A1BG: variants seen among roughly 807,000 people sequenced by gnomAD.
A1BG encodes alpha-1B-glycoprotein.
In A1BG, 44 loss-of-function variants were observed where a neutral mutation model predicts 46.0. That is an observed-to-expected ratio of 0.96 (90% CI 0.75 to 1.23). The LOEUF (loss-of-function observed/expected upper bound fraction) is 1.23, where lower values mean the gene tolerates loss of function less well. Among genes scored for constraint, A1BG ranks in the 50% most tolerant of loss-of-function variants. The pLI is 0.00. For missense variants in A1BG, 707 were observed against 688.8 expected, an observed-to-expected ratio of 1.03 and a Z score of -0.30; for synonymous variants, 316 against 314.7, an observed-to-expected ratio of 1.00 and a Z score of -0.04.
At chr19:58,351,219 G>A (rs2051954721) in intron 5 of A1BG, 172 bp downstream of exon 5, 3 of 829,370 alleles carry the variant, frequency 3.6e-6, no homozygotes, top group Non-Finnish European at 5.7e-6. Flanking sequence ...CCTGAAGGTT[G>A]TCACGCTCAT....
At chr19:58,351,293 T>G (rs1325368345) in intron 5 of A1BG, 98 bp downstream of exon 5, 1 of 1,472,854 alleles carries the variant, frequency 6.8e-7, no homozygotes, top group African/African-American at 1.4e-5. Context: ...TATTGGACCC[T>G]GGCCCAGAGC....
chr19:58,347,234 A>G, intron 7 of A1BG, 119 bp downstream of exon 7: 1 of 1,351,288 alleles, frequency 7.4e-7, no homozygotes, highest in Non-Finnish European at 9.8e-7. Context: ...CCCTGGGGAG[A>G]CCCAGCGCTA....
At position 58,351,545 on chromosome 19, in the gene A1BG, T is replaced by C; in HGVS notation, c.756A>G (p.Val252=). Residue 252 remains valine, a synonymous_variant, in exon 5 of 8, where the codon GTA becomes GTG. Transcript: ENST00000263100. ...GATCTGGGCTGGTGCTGCTCCTGGG[T>C]ACCAGCAGCTCTTTCTCCCCGCGCC... ...QLRRGEKELL[V]PRSSTSPDRI... 1 of 1,613,862 alleles carries C rather than the reference T, an allele frequency of 6.2e-7. No homozygotes were observed. The highest frequency in any genetic ancestry group is 8.5e-7 in the Non-Finnish European group (1 of 1,179,998).
In A1BG at chr19:58,346,690, G is replaced by C. The variant is rs1239383894; in HGVS notation, c.*332C>G. ...AGCCGGACTGCAACACTGCACTCCA[G>C]CCTGGGTGACAGTGTGAGACCCTGT... On this transcript the variant is annotated 3_prime_UTR_variant, in exon 8 of 8. Transcript: ENST00000263100. The C allele has an allele frequency of 2.5e-6, 1 of 392,824 alleles. No homozygotes were observed. Among genetic ancestry groups the C allele is most frequent in the Non-Finnish European group, 4.7e-6 (1 of 211,428 alleles). The allele number at this position is 392,824 out of a possible 1,614,324, so 24.3% of individuals were successfully genotyped here.
At position 58,353,424 on chromosome 19, in the gene A1BG, A is replaced by G. The variant is rs1267963702; in HGVS notation, c.14T>C (p.Val5Ala). MSML[V>A]VFLLLWGVTW... is the part of the protein sequence containing the mutation. Reference sequence around the variant, plus strand: ...CTCACCCCACAGCAAGAGAAAGACCACGAGCATGGACATGATGGTCGCGCT... The same window carrying G: ...CTCACCCCACAGCAAGAGAAAGACCGCGAGCATGGACATGATGGTCGCGCT... The change falls in exon 1 of 8, where the codon GTG (valine) becomes GCG (alanine). Residue 5 changes from valine to alanine, a missense_variant. By Grantham distance (64) the Val-to-Ala change is moderately conservative. Coordinates refer to ENST00000263100, the MANE Select transcript of A1BG (RefSeq NM_130786.4). 6.2e-7 allele frequency: 1 copy of G among 1,610,930 alleles called. No individual in the cohort carries two copies. Among genetic ancestry groups the G allele is most frequent in the Non-Finnish European group, 8.5e-7 (1 of 1,178,916 alleles).
In A1BG at chr19:58,345,305, G is replaced by T. The variant is rs564000321; in HGVS notation, c.*1717C>A. On this transcript the variant is annotated 3_prime_UTR_variant, in exon 8 of 8. Transcript: ENST00000263100. ...TAACATCATCAGACATTAAGGAAAC[G>T]CAAGGAAAACCACTATTAGATATGT... 1 of 152,268 alleles carries T rather than the reference G, an allele frequency of 6.6e-6. No homozygotes were observed. The highest frequency in any genetic ancestry group is 2.1e-4 in the South Asian group (1 of 4,826). 9.4% of individuals were successfully genotyped at this position (152,268 alleles called of 1,614,324 possible).
In A1BG at chr19:58,350,577, G is replaced by A. The variant is rs1392404642; in HGVS notation, c.985C>T (p.Leu329=). 6.6e-7 allele frequency: 1 copy of A among 1,521,690 alleles called. No individual in the cohort carries two copies. Among genetic ancestry groups the A allele is most frequent in the East Asian group, 2.6e-5 (1 of 39,082 alleles). 94.3% of individuals were successfully genotyped at this position (1,521,690 alleles called of 1,614,324 possible). ...RALRLRCLAP[L]EGARFALVRE... ...ACCAGGGCGAAGCGCGCGCCCTCCA[G>A]GGGCGCCAGGCACCGCAGCCGCAAG... The change falls in exon 6 of 8, where the codon CTG becomes TTG. Residue 329 remains leucine, a synonymous_variant. Coordinates refer to ENST00000263100, the MANE Select transcript of A1BG (RefSeq NM_130786.4).
rs376324865 is a variant in A1BG, at chr19:58,351,645, G to A, written c.656C>T (p.Ser219Phe). 9 of 1,610,794 alleles carry A rather than the reference G, an allele frequency of 5.6e-6. No homozygotes were observed. Among genetic ancestry groups the A allele is most frequent in the Non-Finnish European group, 7.6e-6 (9 of 1,178,924 alleles). The change falls in exon 5 of 8, where the codon TCC (serine) becomes TTC (phenylalanine). Residue 219 changes from serine to phenylalanine, a missense_variant. By Grantham distance (155) the Ser-to-Phe change is radical (BLOSUM62 -2). Coordinates refer to ENST00000263100, the MANE Select transcript of A1BG (RefSeq NM_130786.4). ...PPVLMHHGES[S>F]QVLHPGNKVT... ...CTTGTTGCCAGGGTGCAGGACCTGG[G>A]AGGACTCTCCATGGTGCATCAGCAC...
chr19:58,347,747 G>A (rs1351535741), intron 6 of A1BG, 107 bp from the exon 7 acceptor site: 2 of 655,760 alleles, frequency 3.0e-6, no homozygotes, highest in Non-Finnish European at 4.3e-6. Context: ...CCTCAGCCCC[G>A]GCTTCATCTT....
Position 58,351,259 on chromosome 19 carries a change from CGGCGGGTG to C in A1BG, c.910+124_910+131del, listed in dbSNP as rs1052358032. The C allele has an allele frequency of 2.6e-5, 29 of 1,121,828 alleles. No homozygotes were observed. In the African/African-American group the frequency reaches 4.1e-4, roughly 16 times the overall value. The allele number at this position is 1,121,828 out of a possible 1,614,324, so 69.5% of individuals were successfully genotyped here. ...ATATTTGCAGTTTAGGACCCTGAATCGGCGGGTGGGCGGATAAAGTTGGTATTGGACCC... is the reference window on the plus strand; with the variant it reads ...ATATTTGCAGTTTAGGACCCTGAATCGGCGGATAAAGTTGGTATTGGACCC... On this transcript the variant is annotated intron_variant, in intron 5 of 7. Coordinates refer to ENST00000263100, the MANE Select transcript of A1BG (RefSeq NM_130786.4).
chr19:58,353,080 T>G lies in A1BG; in HGVS notation c.188A>C (p.Asn63Thr), dbSNP rs1465915239. The G allele has an allele frequency of 1.9e-6, 3 of 1,614,028 alleles. No homozygotes were observed. Among genetic ancestry groups the G allele is most frequent in the Admixed American group, 3.3e-5 (2 of 60,004 alleles). Reference protein sequence around the residue: ...LETPDFQLFKNGVAQEPVHLD... With the variant: ...LETPDFQLFKTGVAQEPVHLD... ...GTGCACAGGCTCCTGGGCCACCCCA[T>G]TCTTGAACAGCTGGAAGTCTGGAGT... The change falls in exon 3 of 8, where the codon AAT becomes ACT. Residue 63 changes from asparagine to threonine, a missense_variant. Transcript: ENST00000263100.
chr19:58,347,485 CG>C lies in A1BG; in HGVS notation c.1347del (p.Ala451ProfsTer7). The C allele has an allele frequency of 6.3e-7, 1 of 1,598,308 alleles. No individual in the cohort carries two copies. Among genetic ancestry groups the C allele is most frequent in the Non-Finnish European group, 8.5e-7 (1 of 1,171,424 alleles). ...ATCAGCTCGAGGTTCGCCGCGGCCC[CG>C]GGGGTGCGGACCGTCTTCACGGCCT... The part of the protein sequence containing the change: ...ETKAVKTVRT[P>X]GAAANLELIF... On this transcript the variant is annotated frameshift_variant, in exon 7 of 8. Transcript: ENST00000263100. LOFTEE classifies it high-confidence loss of function.
At chr19:58,352,636 A>G (rs1004259425) in intron 3 of A1BG, 81 bp from the exon 4 acceptor site, 11 of 1,512,092 alleles carry the variant, frequency 7.3e-6, no homozygotes, top group Admixed American at 3.8e-5. Flanking sequence ...CCCCACACTC[A>G]TAAGACTGTG....
intron 5 of A1BG, 34 bp downstream of exon 5, chr19:58,351,357 A>C: frequency 1.3e-6 from 2 of 1,598,392 alleles, no homozygotes; most frequent in Non-Finnish European, 1.7e-6. Context: ...CCAGGGACCC[A>C]GCCGCGTCCC....
intron 3 of A1BG, 151 bp from the exon 4 acceptor site, chr19:58,352,706 G>A: frequency 2.5e-6 from 3 of 1,198,512 alleles, no homozygotes; most frequent in Middle Eastern, 2.8e-4. Flanking sequence ...GTGGAAACAA[G>A]GCATACGGCA....
chr19:58,349,299 A>C (rs1005693642), intron 6 of A1BG, among the ~76,000 whole-genome samples: 6 of 151,872 alleles, frequency 4.0e-5, no homozygotes, highest in Non-Finnish European at 7.4e-5. Context: ...TACAGGCGTG[A>C]GCCACCTTGC....
At position 58,347,123 on chromosome 19, in the gene A1BG, CG is replaced by C. The variant is rs1028572488; in HGVS notation, c.1481-95del. 7.3e-6 allele frequency: 11 copies of C among 1,505,796 alleles called. No homozygotes were observed. The African/African-American group carries it at 1.2e-4, about 17-fold the overall frequency. The allele number at this position is 1,505,796 out of a possible 1,614,324, so 93.3% of individuals were successfully genotyped here. A position where few individuals can be genotyped will look rare whatever the true frequency, so the allele number is the denominator to read the frequency against. On this transcript the variant is annotated intron_variant, in intron 7 of 7. Coordinates refer to ENST00000263100, the MANE Select transcript of A1BG (RefSeq NM_130786.4). Reference sequence around the variant, plus strand: ...AAGGCCGACCTCCCTGACGCCCCCCCGGAAGGAAGCGCGTGGTCGGCTGCCA... The same window carrying C: ...AAGGCCGACCTCCCTGACGCCCCCCCGAAGGAAGCGCGTGGTCGGCTGCCA...
rs945350883 is a variant in A1BG at position 58,352,518 on chromosome 19, C to T, written c.378G>A (p.Val126=). 6 of 1,611,748 alleles carry T rather than the reference C, an allele frequency of 3.7e-6. No homozygotes were observed. In the African/African-American group the frequency reaches 6.7e-5, roughly 18 times the overall value. The change falls in exon 4 of 8, where the codon GTG becomes GTA. Residue 126 remains valine, a synonymous_variant. Transcript: ENST00000263100. The part of the protein sequence containing the change: ...LPAPWLSMAP[V]SWITPGLKTT... ...TTTTCAGGCCGGGGGTGATCCAGGA[C>T]ACTGGCGCCATCGAGAGCCAGGGAG...
At position 58,347,408 on chromosome 19, in the gene A1BG, C is replaced by T. The variant is rs1326495325; in HGVS notation, c.1425G>A (p.Trp475Ter). The T allele has an allele frequency of 6.2e-7, 1 of 1,611,752 alleles. No individual in the cohort carries two copies. The highest frequency in any genetic ancestry group is 1.7e-5 in the Admixed American group (1 of 59,948). The stretch of plus-strand genomic sequence containing the variant: ...GCTCCGATTCGAAGGTGTGGGGCAC[C>T]CAGGAGCGGTAGCGGCACCTGTAGT... ...AGNYRCRYRS[W>*]VPHTFESELS... Residue 475 changes from tryptophan to a stop codon, truncating the protein, a stop_gained, in exon 7 of 8, where the codon TGG (tryptophan) becomes TGA (stop). Transcript: ENST00000263100. LOFTEE classifies it high-confidence loss of function.
Sources: gnomAD v4.1 joint callset for allele counts (sites outside exome capture counted in the v4.1 genomes callset) on GRCh38, gnomAD v4.1.1 for gene constraint, MANE v1.5 for transcripts, NCBI Gene and HGNC (gene_info 2026-07-23, HGNC 2026-07-21) for gene names.